The following SLC12A8 variants were observed in gnomAD, a reference collection of about 807,000 sequenced individuals.
SLC12A8 encodes the protein cation-chloride cotransporter 9.
Under a neutral mutation model 75.6 loss-of-function variants are expected in SLC12A8, and 69 were observed. That is an observed-to-expected ratio of 0.91 (90% CI 0.75 to 1.11). The LOEUF (loss-of-function observed/expected upper bound fraction) is 1.11, where lower values mean the gene tolerates loss of function less well. Ranked by LOEUF, SLC12A8 falls within the 50% of genes most tolerant of loss-of-function variation. SLC12A8 has a pLI of 0.00. For synonymous variants in SLC12A8, 365 were observed against 372.8 expected (o/e 0.98, Z 0.24); for missense variants, 877 against 896.7 (o/e 0.98, Z 0.28).
At chr3:125,147,693 G>T (rs908015009) in intron 5 of SLC12A8, among the ~76,000 whole-genome samples, 1 of 152,160 alleles carries the variant, frequency 6.6e-6, no homozygotes, top group Non-Finnish European at 1.5e-5. Flanking sequence ...AACCCAGAGA[G>T]CACGAGGGGA....
intron 6 of SLC12A8, among the ~76,000 whole-genome samples, chr3:125,129,752 A>G (rs1329899156): frequency 6.6e-6 from 1 of 152,206 alleles, no homozygotes; most frequent in Non-Finnish European, 1.5e-5. Context: ...ATCTATCACC[A>G]TGGAAACTGC....
intron 8 of SLC12A8, chr3:125,110,794 C>T (rs1939169162): frequency 6.5e-6 from 1 of 153,614 alleles, no homozygotes; most frequent in South Asian, 2.0e-4. Context: ...CTGAATCATC[C>T]CCTAAGCCTC....
chr3:125,144,834 G>T (rs1933733165), intron 5 of SLC12A8, among the ~76,000 whole-genome samples: 1 of 152,202 alleles, frequency 6.6e-6, no homozygotes, highest in East Asian at 1.9e-4. Context: ...AGACGGGGTG[G>T]GAGGTCAAGT....
chr3:125,185,957 A>G (rs1320111165), intron 4 of SLC12A8, among the ~76,000 whole-genome samples: 1 of 152,178 alleles, frequency 6.6e-6, no homozygotes, highest in African/African-American at 2.4e-5. Context: ...TTATCTGTGA[A>G]CATCTTTTTT....
chr3:125,084,082 A>G (rs773896213), intron 13 of SLC12A8, 30 bp from the exon 14 acceptor site: 13 of 1,593,500 alleles, frequency 8.2e-6, no homozygotes, highest in Non-Finnish European at 1.1e-5. Context: ...GAGGATGGTG[A>G]GAAGGACAGA....
chr3:125,185,292 C>T (rs940100251), intron 4 of SLC12A8, among the ~76,000 whole-genome samples: 1 of 151,368 alleles, frequency 6.6e-6, no homozygotes, highest in Non-Finnish European at 1.5e-5. Context: ...TGCACACCAG[C>T]CTGGGAAACA....
intron 8 of SLC12A8, 50 bp from the exon 9 acceptor site, chr3:125,110,385 C>G (rs769453841): frequency 2.3e-5 from 37 of 1,585,040 alleles, no homozygotes; most frequent in Non-Finnish European, 3.0e-5. Context: ...GCTCCTGTGC[C>G]TTTCTACCCC....
chr3:125,111,437 C>G (rs1199825097), intron 8 of SLC12A8, among the ~76,000 whole-genome samples: 1 of 152,334 alleles, frequency 6.6e-6, no homozygotes, highest in East Asian at 1.9e-4. Flanking sequence ...CATGAATTCA[C>G]CCTCCTGGGC....
chr3:125,094,989 C>T (rs1938678291), intron 10 of SLC12A8, among the ~76,000 whole-genome samples: 2 of 152,178 alleles, frequency 1.3e-5, no homozygotes, highest in South Asian at 4.1e-4. Context: ...ACTGCCCACT[C>T]TCTCAGTCTT....
intron 2 of SLC12A8, among the ~76,000 whole-genome samples, chr3:125,195,010 C>T (rs542731238): frequency 6.6e-6 from 1 of 152,316 alleles, no homozygotes; most frequent in East Asian, 1.9e-4. Flanking sequence ...GTTCCATGGG[C>T]CACAGTCCAC....
intron 12 of SLC12A8, among the ~76,000 whole-genome samples, chr3:125,090,876 T>C (rs1280789871): frequency 1.3e-5 from 2 of 152,222 alleles, no homozygotes; most frequent in Non-Finnish European, 2.9e-5. Context: ...AATCTGACAA[T>C]CTTTGGCATT....
chr3:125,120,371 C>G (rs1933024343), intron 7 of SLC12A8, among the ~76,000 whole-genome samples: 1 of 152,090 alleles, frequency 6.6e-6, no homozygotes, highest in Admixed American at 6.5e-5. Context: ...GATCTGGGTC[C>G]CGACACTCCT....
rs781173317 is a variant in SLC12A8, at chr3:125,177,770, C to T, written c.595G>A (p.Val199Met). 3.7e-6 allele frequency: 6 copies of T among 1,614,048 alleles called. No homozygotes were observed. The highest frequency in any genetic ancestry group is 2.7e-5 in the African/African-American group (2 of 74,924). Residue 199 changes from valine to methionine, a missense_variant, in exon 5 of 14, where the codon GTG (valine) becomes ATG (methionine). Transcript: ENST00000469902. ...GGGTCCAGGTGGGTGAAAGAACCCA[C>T]CACAAAGTCCAGTGTGGACACGGCC... The part of the protein sequence containing the change: ...LLAVSTLDFV[V>M]GSFTHLDPEH...
intron 5 of SLC12A8, among the ~76,000 whole-genome samples, chr3:125,138,529 T>C (rs1933548404): frequency 6.6e-6 from 1 of 151,284 alleles, no homozygotes; most frequent in African/African-American, 2.4e-5. Context: ...GTCCATGTTA[T>C]ATATACTATA....
intron 13 of SLC12A8, 32 bp downstream of exon 13, chr3:125,088,278 C>A: frequency 6.2e-7 from 1 of 1,610,274 alleles, no homozygotes; most frequent in African/African-American, 1.3e-5. Flanking sequence ...GACACTCATC[C>A]ATTCTGGTAC....
intron 5 of SLC12A8, among the ~76,000 whole-genome samples, chr3:125,162,624 G>A (rs1428491293): frequency 6.6e-6 from 1 of 152,244 alleles, no homozygotes; most frequent in Non-Finnish European, 1.5e-5. Flanking sequence ...CCAAGTGGCA[G>A]GCGGGACATG....
chr3:125,212,205 G>C (rs1275973180), intron 1 of SLC12A8, among the ~76,000 whole-genome samples: 1 of 152,164 alleles, frequency 6.6e-6, no homozygotes, highest in South Asian at 2.1e-4. Flanking sequence ...CCGGAGCACT[G>C]AGTGGGGGGT....
chr3:125,121,531 A>G (rs1933061275), intron 6 of SLC12A8, among the ~76,000 whole-genome samples: 1 of 152,202 alleles, frequency 6.6e-6, no homozygotes, highest in Non-Finnish European at 1.5e-5. Flanking sequence ...ATCTAACTCC[A>G]TGATTTGTGA....
At chr3:125,119,481 G>C (rs1010653128) in intron 7 of SLC12A8, among the ~76,000 whole-genome samples, 14 of 152,238 alleles carry the variant, frequency 9.2e-5, no homozygotes, top group African/African-American at 3.4e-4. Context: ...CTGTAACCTT[G>C]AACAAGACCC....
Sources: allele counts gnomAD v4.1 joint callset (sites outside exome capture counted in the v4.1 genomes callset), GRCh38; gene constraint gnomAD v4.1.1; transcripts MANE v1.5; gene names NCBI Gene and HGNC (gene_info 2026-07-23, HGNC 2026-07-21).